The following SKIC3 variants were observed in gnomAD, a reference collection of about 807,000 sequenced individuals.
SKIC3 encodes SKI3 subunit of superkiller complex.
chr5:95,553,165 C>T, the SKIC3 span, among the ~76,000 whole-genome samples: 1 of 152,298 alleles, frequency 6.6e-6, no homozygotes, highest in East Asian at 1.9e-4. Context: ...TCCAGCACAA[C>T]GTCTCTAAGG....
chr5:95,522,450 T>C, the SKIC3 span: 1 of 971,644 alleles, frequency 1.0e-6, no homozygotes, highest in Non-Finnish European at 1.4e-6. Flanking sequence ...AGCAGATAAA[T>C]TTGTTCCTTT....
chr5:95,486,077 A>AT, the SKIC3 span, among the ~76,000 whole-genome samples: 4 of 152,216 alleles, frequency 2.6e-5, no homozygotes, highest in Admixed American at 2.6e-4. Context: ...TAGGGAGTAC[A>AT]TAATAATGGC....
chr5:95,537,615 T>G, the SKIC3 span, among the ~76,000 whole-genome samples: 1 of 152,208 alleles, frequency 6.6e-6, no homozygotes, highest in Non-Finnish European at 1.5e-5. Flanking sequence ...GACTGAACTG[T>G]TATGAAATCA....
the SKIC3 span, among the ~76,000 whole-genome samples, chr5:95,542,886 A>C: frequency 3.3e-5 from 5 of 152,184 alleles, no homozygotes; most frequent in African/African-American, 7.2e-5. Context: ...GTAAGCATAA[A>C]GAATAATATT....
At chr5:95,483,622 A>G in the SKIC3 span, among the ~76,000 whole-genome samples, 2 of 152,218 alleles carry the variant, frequency 1.3e-5, no homozygotes, top group Non-Finnish European at 2.9e-5. Flanking sequence ...TAAAATGTAT[A>G]CTGATCTTTC....
chr5:95,534,213 GAAA>G, the SKIC3 span, among the ~76,000 whole-genome samples: 1 of 139,072 alleles, frequency 7.2e-6, no homozygotes. Flanking sequence ...TTCCTATCAG[GAAA>G]AAAAAAAAAA....
chr5:95,515,848 C>T, the SKIC3 span, among the ~76,000 whole-genome samples: 14 of 152,236 alleles, frequency 9.2e-5, no homozygotes, highest in Non-Finnish European at 1.5e-4. Flanking sequence ...AACATACTCC[C>T]AGTCACTTTA....
the SKIC3 span, among the ~76,000 whole-genome samples, chr5:95,531,374 C>T: frequency 6.6e-6 from 1 of 152,264 alleles, no homozygotes; most frequent in Middle Eastern, 3.4e-3. Context: ...AGAAATACTA[C>T]TTTGATTAGT....
the SKIC3 span, among the ~76,000 whole-genome samples, chr5:95,530,654 A>C: frequency 6.6e-6 from 1 of 152,196 alleles, no homozygotes; most frequent in Non-Finnish European, 1.5e-5. Flanking sequence ...CCAGCATCCA[A>C]GGATCACAAG....
chr5:95,539,972 A>ATGTGACATG, the SKIC3 span, among the ~76,000 whole-genome samples: 3 of 152,198 alleles, frequency 2.0e-5, no homozygotes, highest in Non-Finnish European at 2.9e-5. Flanking sequence ...TTATAGCGGC[A>ATGTGACATG]CAAGTCACAA....
chr5:95,536,963 A>G, the SKIC3 span: 6 of 1,598,520 alleles, frequency 3.8e-6, no homozygotes, highest in Non-Finnish European at 5.1e-6. Context: ...ACATTCTAGT[A>G]GTAGTAAAAT....
the SKIC3 span, among the ~76,000 whole-genome samples, chr5:95,480,534 G>A: frequency 3.9e-5 from 6 of 152,100 alleles, no homozygotes; most frequent in South Asian, 2.1e-4. Flanking sequence ...CCAAAATAGG[G>A]GAAAAACATG....
the SKIC3 span, among the ~76,000 whole-genome samples, chr5:95,466,434 G>C: frequency 6.6e-6 from 1 of 152,112 alleles, no homozygotes; most frequent in Non-Finnish European, 1.5e-5. Context: ...CAAGGATACT[G>C]CCAAATATCC....
chr5:95,523,866 T>C, the SKIC3 span: 10 of 1,594,116 alleles, frequency 6.3e-6, no homozygotes, highest in East Asian at 2.2e-4. Context: ...TAACAGAACA[T>C]TAAAAGTTCA....
the SKIC3 span, among the ~76,000 whole-genome samples, chr5:95,510,795 A>G: frequency 2.6e-5 from 4 of 152,180 alleles, no homozygotes; most frequent in Non-Finnish European, 5.9e-5. Flanking sequence ...GCTCTGCATG[A>G]ATTTCTCTTT....
chr5:95,500,046 T>C, the SKIC3 span, among the ~76,000 whole-genome samples: 1 of 152,184 alleles, frequency 6.6e-6, no homozygotes, highest in Non-Finnish European at 1.5e-5. Context: ...TAAGTAGTTT[T>C]ATTTTATGGG....
At chr5:95,484,888 T>A in the SKIC3 span, 1 of 1,604,126 alleles carries the variant, frequency 6.2e-7, no homozygotes, top group Non-Finnish European at 8.5e-7. Flanking sequence ...CTGCAATTTA[T>A]AATGTGTTCT....
the SKIC3 span, among the ~76,000 whole-genome samples, chr5:95,492,472 TA>T: frequency 6.8e-6 from 1 of 147,892 alleles, no homozygotes; most frequent in Non-Finnish European, 1.5e-5. Flanking sequence ...CCGTCTCTAC[TA>T]AAAATACAAA....
the SKIC3 span, chr5:95,464,655 A>G: frequency 6.2e-7 from 1 of 1,611,742 alleles, no homozygotes; most frequent in Non-Finnish European, 8.5e-7. Context: ...TTGTATCTCC[A>G]TGAGTTTTGG....
Sources: gnomAD v4.1 joint callset for allele counts (sites outside exome capture counted in the v4.1 genomes callset) on GRCh38, gnomAD v4.1.1 for gene constraint, MANE v1.5 for transcripts, NCBI Gene and HGNC (gene_info 2026-07-23, HGNC 2026-07-21) for gene names.